HEMK2: variants seen among roughly 807,000 people sequenced by gnomAD.
The protein encoded by HEMK2 is methyltransferase HEMK2.
the HEMK2 span, among the ~76,000 whole-genome samples, chr21:28,608,011 C>A: frequency 1.2e-4 from 18 of 152,096 alleles, no homozygotes; most frequent in Non-Finnish European, 2.5e-4. Context: ...CCATCCGAAA[C>A]AAACAAAATT....
chr21:28,791,805 A>G, the HEMK2 span, among the ~76,000 whole-genome samples: 4 of 152,064 alleles, frequency 2.6e-5, no homozygotes, highest in Non-Finnish European at 4.4e-5. Context: ...GGGGACGGGG[A>G]AAATGAGGAT....
At chr21:28,853,892 A>G in the HEMK2 span, among the ~76,000 whole-genome samples, 1 of 152,192 alleles carries the variant, frequency 6.6e-6, no homozygotes, top group Non-Finnish European at 1.5e-5. Flanking sequence ...TTTTCCAATC[A>G]AGGCCCTCAC....
chr21:28,704,557 CAA>C, the HEMK2 span, among the ~76,000 whole-genome samples: 32,755 of 129,766 alleles, frequency 0.25, 4,079 homozygotes, highest in East Asian at 0.39. Flanking sequence ...AAGGTTTTGG[CAA>C]AAAAAAAAAA....
At chr21:28,667,053 A>C in the HEMK2 span, among the ~76,000 whole-genome samples, 1 of 152,176 alleles carries the variant, frequency 6.6e-6, no homozygotes, top group African/African-American at 2.4e-5. Flanking sequence ...TAAAGACCTA[A>C]TCATCTTGTT....
At chr21:28,846,589 T>C in the HEMK2 span, among the ~76,000 whole-genome samples, 2 of 152,080 alleles carry the variant, frequency 1.3e-5, no homozygotes, top group African/African-American at 4.8e-5. Context: ...GTTGGCCACA[T>C]GTATGTATTC....
chr21:28,651,344 G>A, the HEMK2 span, among the ~76,000 whole-genome samples: 5 of 152,160 alleles, frequency 3.3e-5, no homozygotes, highest in African/African-American at 1.2e-4. Flanking sequence ...ACTACCAGAA[G>A]TGTGATTTAG....
At chr21:28,627,275 T>C in the HEMK2 span, among the ~76,000 whole-genome samples, 3 of 152,338 alleles carry the variant, frequency 2.0e-5, no homozygotes, top group Admixed American at 6.5e-5. Flanking sequence ...TTACCTGTTT[T>C]GATCAGGACG....
chr21:28,830,350 C>T, the HEMK2 span, among the ~76,000 whole-genome samples: 1 of 151,878 alleles, frequency 6.6e-6, no homozygotes, highest in Non-Finnish European at 1.5e-5. Flanking sequence ...TGGCACTTCC[C>T]CCCCTTCACT....
At chr21:28,779,872 T>G in the HEMK2 span, among the ~76,000 whole-genome samples, 8 of 151,816 alleles carry the variant, frequency 5.3e-5, no homozygotes, top group East Asian at 1.4e-3. Flanking sequence ...TTGTAAGAAT[T>G]TTCTTGTTTT....
the HEMK2 span, among the ~76,000 whole-genome samples, chr21:28,629,296 C>A: frequency 6.6e-6 from 1 of 152,170 alleles, no homozygotes; most frequent in South Asian, 2.1e-4. Context: ...AACCAGACAG[C>A]CAGATTCTGA....
chr21:28,818,716 T>C, the HEMK2 span, among the ~76,000 whole-genome samples: 1 of 152,200 alleles, frequency 6.6e-6, no homozygotes, highest in Non-Finnish European at 1.5e-5. Flanking sequence ...TCACAGGGAC[T>C]GCATCACAGT....
the HEMK2 span, among the ~76,000 whole-genome samples, chr21:28,863,942 C>T: frequency 3.9e-5 from 6 of 152,220 alleles, no homozygotes; most frequent in Non-Finnish European, 8.8e-5. Context: ...ATTCTCCTGC[C>T]TCAGCCTCCC....
At chr21:28,659,164 C>A in the HEMK2 span, among the ~76,000 whole-genome samples, 27,766 of 152,028 alleles carry the variant, frequency 0.18, 2,749 homozygotes, top group East Asian at 0.38. Flanking sequence ...GTCTGATAAA[C>A]TAGTTTCTGA....
the HEMK2 span, among the ~76,000 whole-genome samples, chr21:28,850,217 CTTTTT>C: frequency 0.11 from 10,644 of 93,686 alleles, 267 homozygotes; most frequent in South Asian, 0.15. Flanking sequence ...ATTCAGCATT[CTTTTT>C]TTTTTTTTTT....
At chr21:28,822,927 G>T in the HEMK2 span, among the ~76,000 whole-genome samples, 1 of 152,040 alleles carries the variant, frequency 6.6e-6, no homozygotes, top group African/African-American at 2.4e-5. Flanking sequence ...GCTGACAACT[G>T]TAGTATGTTT....
At chr21:28,811,571 T>A in the HEMK2 span, among the ~76,000 whole-genome samples, 2 of 152,158 alleles carry the variant, frequency 1.3e-5, no homozygotes, top group Admixed American at 1.3e-4. Context: ...CTTTGGCATA[T>A]TCCAACCCAA....
chr21:28,614,454 T>C, the HEMK2 span, among the ~76,000 whole-genome samples: 1 of 152,268 alleles, frequency 6.6e-6, no homozygotes, highest in East Asian at 1.9e-4. Context: ...TCAGACATTT[T>C]GCAATTTAAC....
the HEMK2 span, among the ~76,000 whole-genome samples, chr21:28,881,337 T>C: frequency 6.6e-6 from 1 of 152,154 alleles, no homozygotes; most frequent in Non-Finnish European, 1.5e-5. Flanking sequence ...AAGCCAATCA[T>C]CTCCACATTC....
chr21:28,807,766 T>C, the HEMK2 span, among the ~76,000 whole-genome samples: 1 of 152,198 alleles, frequency 6.6e-6, no homozygotes, highest in South Asian at 2.1e-4. Context: ...TACCACAGCA[T>C]CTGCTATACT....
Sources: allele counts gnomAD v4.1 joint callset (sites outside exome capture counted in the v4.1 genomes callset), GRCh38; gene constraint gnomAD v4.1.1; transcripts MANE v1.5; gene names NCBI Gene and HGNC (gene_info 2026-07-23, HGNC 2026-07-21).